The following DIPK2B variants were observed in gnomAD, a reference collection of about 807,000 sequenced individuals.
DIPK2B encodes UPF0672 protein CXorf36.
DIPK2B carries 15 observed loss-of-function variants against 22.2 expected under a neutral mutation model. The observed-to-expected ratio is 0.68, with a 90% CI of 0.45 to 1.04. The LOEUF (loss-of-function observed/expected upper bound fraction) is 1.04. Ranked by LOEUF, DIPK2B falls within the 50% of genes least tolerant of loss-of-function variation. The probability of loss-of-function intolerance (pLI) is 0.00; values close to 1 mark genes in which losing one functional copy is unlikely to be tolerated. For synonymous variants in DIPK2B, 163 were observed against 153.2 expected, an observed-to-expected ratio of 1.06 and a Z score of -0.47; for missense variants, 345 against 348.3, an observed-to-expected ratio of 0.99 and a Z score of 0.08.
intron 2 of DIPK2B, among the ~76,000 whole-genome samples, chrX:45,166,082 G>C (rs550814372): frequency 8.9e-6 from 1 of 111,738 alleles, no homozygotes; most frequent in African/African-American, 3.3e-5. Flanking sequence ...TTGGTAAAGA[G>C]TTAAGCCAAT....
At chrX:45,169,906 T>A (rs2047069952) in intron 2 of DIPK2B, among the ~76,000 whole-genome samples, 1 of 111,371 alleles carries the variant, frequency 9.0e-6, no homozygotes, top group African/African-American at 3.3e-5. Context: ...ACACAAAGCA[T>A]TAATCAGACT....
chrX:45,179,617 G>A (rs1451805417), intron 2 of DIPK2B, among the ~76,000 whole-genome samples: 1 of 111,520 alleles, frequency 9.0e-6, no homozygotes, highest in African/African-American at 3.3e-5. Flanking sequence ...TGCAATATCT[G>A]AAATTAAGAA....
intron 4 of DIPK2B, among the ~76,000 whole-genome samples, chrX:45,152,994 C>T (rs2046969515): frequency 9.0e-6 from 1 of 111,455 alleles, no homozygotes; most frequent in South Asian, 3.8e-4. Flanking sequence ...ACAAGTAATC[C>T]CAAATATGTA....
Position 45,151,768 on chromosome X carries a change from C to T in DIPK2B, c.1186G>A (p.Asp396Asn), listed in dbSNP as rs1464151627. Residue 396 changes from aspartate to asparagine, a missense_variant, in exon 5 of 5, where the codon GAC (aspartate) becomes AAC (asparagine). Physicochemically the swap from Asp to Asn is conservative, Grantham distance 23 (BLOSUM62 1). Transcript: ENST00000398000. ...CTGGCGGCCCCAAGGACTTCTGGGT[C>T]TGGGCGGATGCTGTCCCCACACTGA... ...LVQCGDSIRP[D>N]PEVLGAASQL... 2 of 1,210,371 alleles carry T rather than the reference C, an allele frequency of 1.7e-6. No homozygotes were observed. The highest frequency in any genetic ancestry group is 2.2e-6 in the Non-Finnish European group (2 of 895,266).
At chrX:45,164,224 A>G (rs914565977) in intron 2 of DIPK2B, 1 of 1,204,016 alleles carries the variant, frequency 8.3e-7, no homozygotes, top group Non-Finnish European at 1.1e-6. Context: ...CAGGAACTTT[A>G]GTTCTCTCTG....
intron 2 of DIPK2B, among the ~76,000 whole-genome samples, chrX:45,180,481 T>A (rs1172859701): frequency 1.8e-5 from 2 of 111,786 alleles, no homozygotes; most frequent in African/African-American, 6.5e-5. Context: ...GTCAATGTAT[T>A]GGAAGCCCTA....
At chrX:45,157,032 T>C (rs1261317580) in intron 3 of DIPK2B, among the ~76,000 whole-genome samples, 5 of 109,761 alleles carry the variant, frequency 4.6e-5, no homozygotes, top group Non-Finnish European at 3.8e-5. Flanking sequence ...CCCCTCCTTT[T>C]CCAGCTCCTC....
At chrX:45,174,565 T>C (rs2047105932) in intron 2 of DIPK2B, among the ~76,000 whole-genome samples, 2 of 109,271 alleles carry the variant, frequency 1.8e-5, no homozygotes, top group African/African-American at 6.7e-5. Flanking sequence ...AGCATGGCCT[T>C]GAAGAATGAG....
chrX:45,154,003 T>A lies in DIPK2B; in HGVS notation c.868A>T (p.Thr290Ser). 1.7e-6 allele frequency: 2 copies of A among 1,210,812 alleles called. No homozygotes were observed. Among genetic ancestry groups the A allele is most frequent in the South Asian group, 3.5e-5 (2 of 56,970 alleles). ...CCGAACATGCCTGCATCAATGTGGG[T>A]GAAGTAGAAGAAATAGTTCAAATCG... Reference protein sequence around the residue: ...SNDLNYFFYFTHIDAGMFGVF... With the variant: ...SNDLNYFFYFSHIDAGMFGVF... The change falls in exon 4 of 5, where the codon ACC becomes TCC. Residue 290 changes from threonine (T) to serine (S), a missense_variant. By Grantham distance (58) the Thr-to-Ser change is moderately conservative. Coordinates refer to ENST00000398000, the MANE Select transcript of DIPK2B (RefSeq NM_176819.4).
Position 45,192,009 on chromosome X carries a change from G to A in DIPK2B, c.240C>T (p.Asp80=). 1.7e-6 allele frequency: 2 copies of A among 1,206,986 alleles called. No homozygotes were observed. The highest frequency in any genetic ancestry group is 2.2e-6 in the Non-Finnish European group (2 of 892,997). Residue 80 remains aspartate, a synonymous_variant, in exon 2 of 5, where the codon GAC becomes GAT. Transcript: ENST00000398000. ...GTCCAAGGTGGGAAGCCAGCCAGTT[G>A]TCAGATCTGTTGGAAGAATAGCCCT... ...KKFFKEEIRS[D]NWLASHLGLP...
rs1005681023 is a variant in DIPK2B, at chrX:45,157,875, G to A, written c.512C>T (p.Pro171Leu). Reference sequence around the variant, plus strand: ...TCGCTGCGAAGGGCAGCGCAGGAGCGGGCTGGCCAGGCCCTACGCGCAGGT... The same window carrying A: ...TCGCTGCGAAGGGCAGCGCAGGAGCAGGCTGGCCAGGCCCTACGCGCAGGT... ...TPDLVQGLAS[P>L]LLRCPSQRLL... The change falls in exon 3 of 5, where the codon CCG (proline) becomes CTG (leucine). Residue 171 changes from proline (P) to leucine (L), a missense_variant. Physicochemically the swap from Pro to Leu is moderately conservative, Grantham distance 98. Transcript: ENST00000398000. 3 of 1,149,898 alleles carry A rather than the reference G, an allele frequency of 2.6e-6. No individual in the cohort carries two copies. In the African/African-American group the frequency reaches 5.6e-5, roughly 21 times the overall value. The allele number at this position is 1,149,898 out of a possible 1,213,427, so 94.8% of individuals were successfully genotyped here.
intron 2 of DIPK2B, among the ~76,000 whole-genome samples, chrX:45,158,751 C>T (rs2047008668): frequency 2.7e-5 from 3 of 111,862 alleles, no homozygotes; most frequent in Admixed American, 1.9e-4. Flanking sequence ...CTCTCTGTAC[C>T]TCCGGTTCCA....
intron 2 of DIPK2B, chrX:45,162,839 T>C (rs2047028958): frequency 2.1e-5 from 16 of 752,723 alleles, no homozygotes; most frequent in Non-Finnish European, 2.3e-5. Context: ...TCAATGTCTC[T>C]ATTGACTGGA....
In DIPK2B at chrX:45,149,568, T is replaced by C. The variant is rs575465638; in HGVS notation, c.*2084A>G. The C allele has an allele frequency of 1.8e-5, 2 of 112,908 alleles. No individual in the cohort carries two copies. Among genetic ancestry groups the C allele is most frequent in the South Asian group, 3.7e-4 (1 of 2,689 alleles). The allele number at this position is 112,908 out of a possible 1,213,427, so 9.3% of individuals were successfully genotyped here. On this transcript the variant is annotated 3_prime_UTR_variant, in exon 5 of 5. Transcript: ENST00000398000. ...CAAAATAAGGCTTTTCTGGGGTCCATTTTTGAATGGGAGTGAAGGAACCAG... is the reference window on the plus strand; with the variant it reads ...CAAAATAAGGCTTTTCTGGGGTCCACTTTTGAATGGGAGTGAAGGAACCAG...
At chrX:45,163,632 A>T in intron 2 of DIPK2B, 1 of 754,418 alleles carries the variant, frequency 1.3e-6, no homozygotes, top group Non-Finnish European at 1.6e-6. Context: ...AAAGATAGAT[A>T]GTCTTGACAG....
chrX:45,192,138 G>T, intron 1 of DIPK2B, 123 bp from the exon 2 acceptor site: 1 of 720,781 alleles, frequency 1.4e-6, no homozygotes, highest in Non-Finnish European at 2.0e-6. Flanking sequence ...TGAGGTGTTC[G>T]AAATTCTTTC....
In DIPK2B at chrX:45,154,043, C is replaced by T. The variant is rs759075757; in HGVS notation, c.828G>A (p.Glu276=). 2 of 1,209,270 alleles carry T rather than the reference C, an allele frequency of 1.7e-6. No homozygotes were observed. Among genetic ancestry groups the T allele is most frequent in the East Asian group, 5.9e-5 (2 of 33,743 alleles). Residue 276 remains glutamate (E), a synonymous_variant, in exon 4 of 5, where the codon GAG becomes GAA. Transcript: ENST00000398000. The part of the protein sequence containing the change: ...DLAYQLLGVL[E]SLRSNDLNYF... The stretch of plus-strand genomic sequence containing the variant: ...AGTTCAAATCGTTGCTCCTCAAAGA[C>T]TCCAGGACACCCAGGAGCTGGTAGG...
At chrX:45,172,313 G>A (rs2047087671) in intron 2 of DIPK2B, among the ~76,000 whole-genome samples, 1 of 111,998 alleles carries the variant, frequency 8.9e-6, no homozygotes, top group Non-Finnish European at 1.9e-5. Context: ...TCTTGGTTAA[G>A]TAAGTGACCA....
Position 45,157,886 on chromosome X carries a change from G to T in DIPK2B, c.501C>A (p.Gly167=), listed in dbSNP as rs374071629. The change falls in exon 3 of 5, where the codon GGC becomes GGA. Residue 167 remains glycine (G), a splice_region_variant and synonymous_variant. Coordinates refer to ENST00000398000, the MANE Select transcript of DIPK2B (RefSeq NM_176819.4). ...GGCAGCGCAGGAGCGGGCTGGCCAG[G>T]CCCTACGCGCAGGTGGGAGAGAGGC... ...AKRLTPDLVQ[G]LASPLLRCPS... is the part of the protein sequence containing the mutation. 12 of 1,141,121 alleles carry T rather than the reference G, an allele frequency of 1.1e-5. No homozygotes were observed. 94.0% of individuals were successfully genotyped at this position (1,141,121 alleles called of 1,213,427 possible).
Sources: allele counts gnomAD v4.1 joint callset (sites outside exome capture counted in the v4.1 genomes callset), GRCh38; gene constraint gnomAD v4.1.1; transcripts MANE v1.5; gene names NCBI Gene and HGNC (gene_info 2026-07-23, HGNC 2026-07-21).